Variants in MYO18B observed in about 807,000 individuals in gnomAD.
MYO18B encodes the protein unconventional myosin-XVIIIb.
In MYO18B, 204 loss-of-function variants were observed where a neutral mutation model predicts 273.0. That is an observed-to-expected ratio of 0.75 (90% CI 0.67 to 0.84). The LOEUF (loss-of-function observed/expected upper bound fraction) is 0.84, where lower values mean the gene tolerates loss of function less well. MYO18B is among the 40% of genes least tolerant of loss of function. The pLI is 0.00. For synonymous variants in MYO18B, 1,330 were observed against 1,305.7 expected (o/e 1.02, Z -0.40); for missense variants, 3,212 against 3,287.6 (o/e 0.98, Z 0.56).
chr22:25,982,965 A>G (rs2093164631), intron 39 of MYO18B, among the ~76,000 whole-genome samples: 1 of 152,226 alleles, frequency 6.6e-6, no homozygotes, highest in Admixed American at 6.5e-5. Flanking sequence ...ATAATAAATG[A>G]TATTAGATAT....
At chr22:25,905,390 G>A (rs2092021672) in intron 31 of MYO18B, among the ~76,000 whole-genome samples, 1 of 152,234 alleles carries the variant, frequency 6.6e-6, no homozygotes, top group African/African-American at 2.4e-5. Context: ...TGTGGATGCT[G>A]AGGGTGCAAT....
At chr22:25,864,427 A>G (rs2090828901) in intron 21 of MYO18B, among the ~76,000 whole-genome samples, 2 of 152,156 alleles carry the variant, frequency 1.3e-5, no homozygotes, top group Admixed American at 6.5e-5. Context: ...TATGCTACTT[A>G]TATGACCTTA....
At chr22:25,854,518 C>T (rs2090513278) in intron 21 of MYO18B, among the ~76,000 whole-genome samples, 1 of 152,206 alleles carries the variant, frequency 6.6e-6, no homozygotes, top group African/African-American at 2.4e-5. Context: ...ATACACATAG[C>T]ATAAACTTTA....
intron 37 of MYO18B, 30 bp downstream of exon 37, chr22:25,950,480 A>G (rs773103847): frequency 6.4e-7 from 1 of 1,562,174 alleles, no homozygotes; most frequent in Non-Finnish European, 8.7e-7. Context: ...CTATAGTTGT[A>G]TTAGTCAGGG....
At chr22:25,826,344 C>A in intron 13 of MYO18B, 65 bp from the exon 14 acceptor site, 3 of 1,241,974 alleles carry the variant, frequency 2.4e-6, no homozygotes, top group South Asian at 1.3e-5. Context: ...TACTGCTCTG[C>A]AGTGATGTCC....
At chr22:25,916,766 T>C (rs546205018) in intron 33 of MYO18B, among the ~76,000 whole-genome samples, 1 of 152,368 alleles carries the variant, frequency 6.6e-6, no homozygotes, top group African/African-American at 2.4e-5. Context: ...GCACAGTGGC[T>C]CACGCCTGTA....
At chr22:25,752,188 ATTT>A (rs10562664) in intron 1 of MYO18B, among the ~76,000 whole-genome samples, 42,438 of 137,242 alleles carry the variant, frequency 0.31, 6,042 homozygotes, top group South Asian at 0.41. Flanking sequence ...ATTTTAATTA[ATTT>A]TTTTTTTTTT....
intron 35 of MYO18B, 76 bp downstream of exon 35, chr22:25,946,326 G>A (rs1261922515): frequency 3.8e-5 from 38 of 987,398 alleles, no homozygotes; most frequent in East Asian, 2.5e-4. Flanking sequence ...CCTAGTGTGC[G>A]CTCAGCACTA....
At chr22:26,058,791 C>A in the MYO18B span, among the ~76,000 whole-genome samples, 1 of 152,146 alleles carries the variant, frequency 6.6e-6, no homozygotes, top group African/African-American at 2.4e-5. Context: ...CAGCTTGAGG[C>A]CCTCACCAGA....
chr22:26,033,863 CCCTT>C (rs1352311698), downstream of MYO18B, among the ~76,000 whole-genome samples: 8 of 146,386 alleles, frequency 5.5e-5, no homozygotes, highest in South Asian at 4.3e-4. Flanking sequence ...TTCTCTTCCT[CCCTT>C]CCTTCTTTCT....
chr22:25,974,191 CA>C, intron 39 of MYO18B, among the ~76,000 whole-genome samples: 1 of 152,328 alleles, frequency 6.6e-6, no homozygotes, highest in East Asian at 1.9e-4. Flanking sequence ...GGCTACTCAA[CA>C]ATTAGACCCG....
intron 22 of MYO18B, among the ~76,000 whole-genome samples, chr22:25,873,164 C>T (rs550480173): frequency 3.9e-4 from 60 of 152,312 alleles, no homozygotes; most frequent in African/African-American, 1.3e-3. Flanking sequence ...GACAGTCAGT[C>T]CTGGGGTCCT....
At position 25,799,581 on chromosome 22, in the gene MYO18B, T is replaced by C. The variant is rs188301054; in HGVS notation, c.2521+1484T>C. ...TGTGAATTGAGGTCTGTCCTGGGAC[T>C]GTGCATGGATTCTGGCTGACATTCT... is the stretch of plus-strand genomic sequence containing the variant. On this transcript the variant is annotated intron_variant, in intron 12 of 43. Transcript: ENST00000335473. Among the ~76,000 whole-genome samples the C allele has an allele frequency of 3.5e-3, 527 of 152,382 alleles. 1 individual carries two copies. Among genetic ancestry groups the C allele is most frequent in the African/African-American group, 0.012 (494 of 41,594 alleles).
At chr22:25,817,319 T>C (rs1356915469) in intron 12 of MYO18B, among the ~76,000 whole-genome samples, 10 of 151,588 alleles carry the variant, frequency 6.6e-5, no homozygotes, top group Non-Finnish European at 1.3e-4. Flanking sequence ...TTTCCCTCCT[T>C]CTTTTCTTTT....
chr22:25,965,300 C>T (rs1409667604), intron 39 of MYO18B, among the ~76,000 whole-genome samples: 2 of 152,180 alleles, frequency 1.3e-5, no homozygotes, highest in African/African-American at 4.8e-5. Context: ...TCCCTCTGTA[C>T]TGGTCAATTT....
chr22:25,785,190 A>C (rs1205896112), intron 10 of MYO18B, among the ~76,000 whole-genome samples: 2 of 152,106 alleles, frequency 1.3e-5, no homozygotes, highest in Admixed American at 6.5e-5. Context: ...TTTCCTCTAC[A>C]ACCCTTTCTC....
rs187510733 is a variant in MYO18B at position 25,751,312 on chromosome 22, A to T, written c.-110+9019A>T. Among the ~76,000 whole-genome samples the T allele has an allele frequency of 2.0e-5, 3 of 152,268 alleles. No homozygotes were observed. In the East Asian group the frequency reaches 5.8e-4, roughly 29 times the overall value. On this transcript the variant is annotated intron_variant, in intron 1 of 43. Coordinates refer to ENST00000335473, the MANE Select transcript of MYO18B (RefSeq NM_032608.7). Reference sequence around the variant, plus strand: ...TGTGTGACCTTGATCCAATTTGTTAACCTTTCTGATCCCAACTACCACACG... The same window carrying T: ...TGTGTGACCTTGATCCAATTTGTTATCCTTTCTGATCCCAACTACCACACG...
At chr22:26,000,356 C>G (rs1393883335) in intron 40 of MYO18B, among the ~76,000 whole-genome samples, 1 of 152,160 alleles carries the variant, frequency 6.6e-6, no homozygotes. Context: ...TTGGGCTAAG[C>G]CTTCCTCCTA....
chr22:25,864,887 G>C (rs1035957584), intron 21 of MYO18B, among the ~76,000 whole-genome samples: 1 of 152,210 alleles, frequency 6.6e-6, no homozygotes, highest in Non-Finnish European at 1.5e-5. Context: ...GGCAATTCCA[G>C]TACATGGAAG....
Sources: gnomAD v4.1 joint callset for allele counts (sites outside exome capture counted in the v4.1 genomes callset) on GRCh38, gnomAD v4.1.1 for gene constraint, MANE v1.5 for transcripts, NCBI Gene and HGNC (gene_info 2026-07-23, HGNC 2026-07-21) for gene names.